Variants in TENM3 observed in about 807,000 individuals in gnomAD.
TENM3 encodes the protein teneurin transmembrane protein 3.
A neutral mutation model predicts 255.1 loss-of-function variants in TENM3; 63 were observed. The ratio of observed to expected loss-of-function variants is 0.25; its 90% CI spans 0.20 to 0.30. The LOEUF is 0.30. Ranked by LOEUF, TENM3 falls within the 10% of genes least tolerant of loss-of-function variation. TENM3 has a pLI of 1.00. For missense variants in TENM3, 2,929 were observed against 3,461.1 expected (o/e 0.85, Z 3.86); for synonymous variants, 1,306 against 1,322.3 (o/e 0.99, Z 0.27).
chr4:181,586,193 GA>G, the TENM3 span, among the ~76,000 whole-genome samples: 1 of 152,204 alleles, frequency 6.6e-6, no homozygotes, highest in South Asian at 2.1e-4. Flanking sequence ...ATGGATGTTT[GA>G]AAGATTTCCC....
At chr4:182,778,938 AT>A (rs1432462267) in intron 24 of TENM3, among the ~76,000 whole-genome samples, 19 of 110,282 alleles carry the variant, frequency 1.7e-4, no homozygotes, top group Non-Finnish European at 3.2e-4. Context: ...ATAAATATAT[AT>A]TTTTTTCTTT....
At chr4:181,553,502 C>T in the TENM3 span, among the ~76,000 whole-genome samples, 981 of 151,878 alleles carry the variant, frequency 6.5e-3, 6 homozygotes, top group African/African-American at 0.02. Flanking sequence ...AGTGCAGGGG[C>T]GCGATCTCGG....
At chr4:182,400,665 G>T (rs1439362958) in intron 3 of TENM3, among the ~76,000 whole-genome samples, 2 of 152,156 alleles carry the variant, frequency 1.3e-5, no homozygotes, top group African/African-American at 4.8e-5. Flanking sequence ...TCATGGATTT[G>T]AAATGAATCT....
At chr4:182,191,569 T>A (rs184395997) in intron 1 of TENM3, among the ~76,000 whole-genome samples, 196 of 152,292 alleles carry the variant, frequency 1.3e-3, no homozygotes, top group Admixed American at 3.9e-3. Flanking sequence ...TAGAATTTTT[T>A]TTTGATTCTT....
At chr4:181,774,000 T>C in the TENM3 span, among the ~76,000 whole-genome samples, 1 of 60,560 alleles carries the variant, frequency 1.7e-5, no homozygotes, top group Non-Finnish European at 3.2e-5. Flanking sequence ...CTCTGGTGGC[T>C]GTGTTTTTTT....
intron 12 of TENM3, among the ~76,000 whole-genome samples, chr4:182,689,679 T>C (rs1756866030): frequency 1.3e-5 from 2 of 152,130 alleles, no homozygotes; most frequent in Admixed American, 1.3e-4. Flanking sequence ...ATGCTCCTTT[T>C]CCCAGCAGCG....
chr4:182,038,346 T>TTTTA, the TENM3 span, among the ~76,000 whole-genome samples: 4 of 152,228 alleles, frequency 2.6e-5, no homozygotes, highest in Non-Finnish European at 5.9e-5. Context: ...AATTTAGGAT[T>TTTTA]TCAAATTATT....
chr4:181,501,147 T>C, the TENM3 span, among the ~76,000 whole-genome samples: 1 of 152,058 alleles, frequency 6.6e-6, no homozygotes. Flanking sequence ...TGGCTAAAAG[T>C]GGCAACTTAA....
intron 27 of TENM3, among the ~76,000 whole-genome samples, chr4:182,797,270 T>C (rs1766563529): frequency 6.6e-6 from 1 of 151,888 alleles, no homozygotes; most frequent in Non-Finnish European, 1.5e-5. Context: ...AGAAACCCCA[T>C]CTCTACTAAA....
chr4:181,453,166 A>G, the TENM3 span, among the ~76,000 whole-genome samples: 8 of 152,192 alleles, frequency 5.3e-5, no homozygotes, highest in Non-Finnish European at 1.2e-4. Context: ...TGAGACTGCA[A>G]GACGACGACA....
At chr4:182,656,915 T>G (rs916586966) in intron 6 of TENM3, among the ~76,000 whole-genome samples, 22 of 152,192 alleles carry the variant, frequency 1.4e-4, no homozygotes, top group African/African-American at 5.3e-4. Context: ...GAGACCTTCT[T>G]TGCCTACAGA....
chr4:182,235,014 GAGTC>G (rs1756808340), intron 1 of TENM3, among the ~76,000 whole-genome samples: 1 of 152,096 alleles, frequency 6.6e-6, no homozygotes, highest in South Asian at 2.1e-4. Context: ...CATCAAAGCT[GAGTC>G]AGTCAGGGCA....
chr4:182,791,252 G>A (rs1170766778), intron 25 of TENM3, among the ~76,000 whole-genome samples: 1 of 152,226 alleles, frequency 6.6e-6, no homozygotes, highest in South Asian at 2.1e-4. Flanking sequence ...TACAGAAGCT[G>A]AAGTCAGGCA....
intron 12 of TENM3, among the ~76,000 whole-genome samples, chr4:182,690,007 T>A (rs942668080): frequency 6.6e-6 from 1 of 152,164 alleles, no homozygotes; most frequent in Non-Finnish European, 1.5e-5. Context: ...CTCCAGGAGG[T>A]ATCCTCTGTC....
At chr4:182,384,874 G>A (rs1373857084) in intron 3 of TENM3, among the ~76,000 whole-genome samples, 9 of 151,808 alleles carry the variant, frequency 5.9e-5, no homozygotes, top group Non-Finnish European at 1.0e-4. Flanking sequence ...TGTTTAAAAC[G>A]AGTATTAAGT....
the TENM3 span, among the ~76,000 whole-genome samples, chr4:182,117,470 T>A: frequency 6.6e-6 from 1 of 152,218 alleles, no homozygotes; most frequent in Non-Finnish European, 1.5e-5. Context: ...TTTGAGTTAA[T>A]TTTTGTGAAC....
intron 3 of TENM3, among the ~76,000 whole-genome samples, chr4:182,363,890 G>T (rs143395456): frequency 2.0e-5 from 3 of 152,248 alleles, no homozygotes; most frequent in African/African-American, 7.2e-5. Context: ...AGCAGATGAA[G>T]ATTCCTAGGG....
chr4:181,726,473 T>A, the TENM3 span, among the ~76,000 whole-genome samples: 1 of 152,212 alleles, frequency 6.6e-6, no homozygotes, highest in Non-Finnish European at 1.5e-5. Context: ...GTTAAGTAAC[T>A]TGCATAAATT....
At chr4:181,710,297 A>G in the TENM3 span, among the ~76,000 whole-genome samples, 1 of 152,152 alleles carries the variant, frequency 6.6e-6, no homozygotes, top group Non-Finnish European at 1.5e-5. Flanking sequence ...TTTTCCAGGA[A>G]GTCAGGTTGC....
Sources: allele counts gnomAD v4.1 joint callset (sites outside exome capture counted in the v4.1 genomes callset), GRCh38; gene constraint gnomAD v4.1.1; transcripts MANE v1.5; gene names NCBI Gene and HGNC (gene_info 2026-07-23, HGNC 2026-07-21).